The following ANKRD22 variants were observed in gnomAD, a reference collection of about 807,000 sequenced individuals.
ANKRD22 encodes the protein ankyrin repeat domain 22.
A neutral mutation model predicts 25.7 loss-of-function variants in ANKRD22; 24 were observed. That is an observed-to-expected ratio of 0.93 (90% confidence interval 0.68 to 1.31). The LOEUF (loss-of-function observed/expected upper bound fraction) is 1.31. Among genes scored for constraint, ANKRD22 ranks in the 50% most tolerant of loss-of-function variants. The pLI, the probability that ANKRD22 is intolerant of heterozygous loss-of-function variation, is 0.00. For missense variants in ANKRD22, 214 were observed against 227.1 expected (o/e 0.94, Z 0.37); for synonymous variants, 84 against 84.3 (o/e 1.00, Z 0.02).
In ANKRD22 at chr10:88,820,432, T is replaced by A. The variant is rs1423649267; in HGVS notation, c.*2509A>T. On this transcript the variant is annotated 3_prime_UTR_variant, in exon 6 of 6. Transcript: ENST00000371930. ...TGGATGCTCCTCACCGTATGTACAA[T>A]GAAATCATCCATCTGATGCAGCAGG... 1.4e-5 allele frequency: 21 copies of A among 1,552,084 alleles called. No individual in the cohort carries two copies. The highest frequency in any genetic ancestry group is 1.8e-5 in the Non-Finnish European group (21 of 1,147,064).
intron 4 of ANKRD22, among the ~76,000 whole-genome samples, chr10:88,823,827 C>CAA (rs56194758): frequency 0.037 from 3,873 of 103,676 alleles, 399 homozygotes; most frequent in African/African-American, 0.15. Context: ...GACTCCGTCT[C>CAA]AAAAAAAAAA....
chr10:88,835,965 T>C (rs17113498), intron 1 of ANKRD22, among the ~76,000 whole-genome samples: 2,222 of 152,264 alleles, frequency 0.015, 64 homozygotes, highest in African/African-American at 0.05. Flanking sequence ...GCTCTGTAAT[T>C]TGGGGGCACC....
intron 3 of ANKRD22, 90 bp downstream of exon 3, chr10:88,828,469 C>A (rs1409072686): frequency 5.0e-6 from 5 of 1,006,164 alleles, no homozygotes; most frequent in African/African-American, 5.0e-5. Context: ...GTTTTTATTT[C>A]TTTTCAACAT....
In ANKRD22 at chr10:88,824,189, T is replaced by C. The variant is rs550579264; in HGVS notation, c.400-811A>G. 1.7e-4 allele frequency among the ~76,000 whole-genome samples: 26 copies of C among 152,284 alleles called. No homozygotes were observed. The South Asian group carries it at 5.0e-3, about 29-fold the overall frequency. On this transcript the variant is annotated intron_variant, in intron 4 of 5. Transcript: ENST00000371930. Reference sequence around the variant, plus strand: ...TTCCCAAACGTGATTTGTTATAGCTTATATTATGTGTTATAAGCTAGTGCA... The same window carrying C: ...TTCCCAAACGTGATTTGTTATAGCTCATATTATGTGTTATAAGCTAGTGCA...
intron 1 of ANKRD22, among the ~76,000 whole-genome samples, chr10:88,850,534 C>A (rs1452994637): frequency 6.6e-6 from 1 of 152,106 alleles, no homozygotes; most frequent in Admixed American, 6.6e-5. Flanking sequence ...TTGTATCCTA[C>A]CATAGACTGA....
At position 88,851,722 on chromosome 10, in the gene ANKRD22, T is replaced by C; in HGVS notation, c.-115A>G. 7.9e-7 allele frequency: 1 copy of C among 1,265,706 alleles called. No individual in the cohort carries two copies. Among genetic ancestry groups the C allele is most frequent in the Non-Finnish European group, 1.1e-6 (1 of 871,770 alleles). 78.4% of individuals were successfully genotyped at this position (1,265,706 alleles called of 1,614,324 possible). On this transcript the variant is annotated 5_prime_UTR_variant, in exon 1 of 6. Coordinates refer to ENST00000371930, the MANE Select transcript of ANKRD22 (RefSeq NM_144590.3). ...GAGGAAAGTCCCTAGAAGTCCAAGC[T>C]GGTGGCAAGCTCCAGGAGTGCTTTT... is the stretch of plus-strand genomic sequence containing the variant.
At position 88,826,110 on chromosome 10, in the gene ANKRD22, T is replaced by C. The variant is rs777344989; in HGVS notation, c.327A>G (p.Ser109=). 6.2e-7 allele frequency: 1 copy of C among 1,607,966 alleles called. No individual in the cohort carries two copies. The highest frequency in any genetic ancestry group is 1.1e-5 in the South Asian group (1 of 90,034). Residue 109 remains serine, a synonymous_variant, in exon 4 of 6, where the codon TCA becomes TCG. Coordinates refer to ENST00000371930, the MANE Select transcript of ANKRD22 (RefSeq NM_144590.3). ...CAAGAGCCTCATTCTGCTTTGTCTTTGATACCTATTACAAATGGTAATTAT... is the reference window on the plus strand; with the variant it reads ...CAAGAGCCTCATTCTGCTTTGTCTTCGATACCTATTACAAATGGTAATTAT... ...VLLIGYFLMV[S]KTKQNEALVR...
chr10:88,850,256 G>A (rs1844091875), intron 1 of ANKRD22, among the ~76,000 whole-genome samples: 1 of 151,782 alleles, frequency 6.6e-6, no homozygotes, highest in Admixed American at 6.6e-5. Context: ...AATACCTGAG[G>A]ATGAGACTAG....
chr10:88,823,195 G>A, intron 5 of ANKRD22, 85 bp downstream of exon 5: 2 of 1,343,396 alleles, frequency 1.5e-6, no homozygotes, highest in Non-Finnish European at 2.1e-6. Flanking sequence ...TTACGTCAGA[G>A]GCAAATAATT....
At position 88,841,425 on chromosome 10, in the gene ANKRD22, A is replaced by G. The variant is rs569054146; in HGVS notation, c.22-9399T>C. ...AACCTTTGTGGTCTTCTTCCATTTC[A>G]TTGGTGTAACCACTCCCACCTGGCT... On this transcript the variant is annotated intron_variant, in intron 1 of 5. Transcript: ENST00000371930. Among the ~76,000 whole-genome samples, 5 of 152,290 alleles carry G rather than the reference A, an allele frequency of 3.3e-5. No homozygotes were observed. In the East Asian group the frequency reaches 9.7e-4, roughly 29 times the overall value.
chr10:88,827,805 A>T (rs1843868903), intron 3 of ANKRD22, among the ~76,000 whole-genome samples: 1 of 152,366 alleles, frequency 6.6e-6, no homozygotes, highest in East Asian at 1.9e-4. Context: ...AGCTACAACA[A>T]GGAGGGAGCT....
intron 1 of ANKRD22, among the ~76,000 whole-genome samples, chr10:88,841,726 A>G (rs887283072): frequency 1.3e-5 from 2 of 152,184 alleles, no homozygotes; most frequent in Non-Finnish European, 2.9e-5. Context: ...ATAAATCCCT[A>G]TATTAAAGAA....
At position 88,831,778 on chromosome 10, in the gene ANKRD22, C is replaced by G. The variant is rs144515125; in HGVS notation, c.213+57G>C. On this transcript the variant is annotated intron_variant, in intron 2 of 5. Transcript: ENST00000371930. ...ATGACATGCACCACTTCTAGTGATT[C>G]AAAGAGAAAAGAATTATCATGAACA... The G allele has an allele frequency of 1.5e-4, 223 of 1,479,542 alleles. No homozygotes were observed. In the African/African-American group the frequency reaches 2.5e-3, roughly 17 times the overall value. 91.7% of individuals were successfully genotyped at this position (1,479,542 alleles called of 1,614,324 possible).
intron 1 of ANKRD22, among the ~76,000 whole-genome samples, chr10:88,847,195 T>TA (rs1291993039): frequency 6.6e-6 from 1 of 152,164 alleles, no homozygotes; most frequent in Non-Finnish European, 1.5e-5. Context: ...GCATAGGACT[T>TA]AAACAGTTTA....
chr10:88,828,781 T>C, intron 2 of ANKRD22, 115 bp from the exon 3 acceptor site: 1 of 674,112 alleles, frequency 1.5e-6, no homozygotes, highest in Non-Finnish European at 2.5e-6. Flanking sequence ...ACCCATGGCA[T>C]CTTTTCCTGT....
Position 88,820,559 on chromosome 10 carries a change from G to T in ANKRD22, c.*2382C>A. The T allele has an allele frequency of 6.8e-7, 1 of 1,480,936 alleles. No individual in the cohort carries two copies. Among genetic ancestry groups the T allele is most frequent in the South Asian group, 1.3e-5 (1 of 76,946 alleles). 91.7% of individuals were successfully genotyped at this position (1,480,936 alleles called of 1,614,324 possible). ...CCTGAGGGATGGGGCTAGGACCCAT[G>T]AAGGCAGAATTACGGAGAGCAGAGA... On this transcript the variant is annotated 3_prime_UTR_variant, in exon 6 of 6. Transcript: ENST00000371930.
At chr10:88,841,105 G>T (rs1844000032) in intron 1 of ANKRD22, among the ~76,000 whole-genome samples, 1 of 151,958 alleles carries the variant, frequency 6.6e-6, no homozygotes, top group Admixed American at 6.6e-5. Context: ...TTCCTTGCCA[G>T]GAAGCTAAAA....
chr10:88,827,094 G>A (rs943874850), intron 3 of ANKRD22, among the ~76,000 whole-genome samples: 5 of 152,116 alleles, frequency 3.3e-5, no homozygotes, highest in African/African-American at 1.2e-4. Flanking sequence ...AGCTCTCCCT[G>A]CTCAGCTGGG....
intron 1 of ANKRD22, among the ~76,000 whole-genome samples, chr10:88,834,401 T>A (rs1843933464): frequency 1.3e-5 from 2 of 152,062 alleles, no homozygotes; most frequent in African/African-American, 2.4e-5. Context: ...TATAGAAAAA[T>A]TCATTTTATT....
Sources: allele counts gnomAD v4.1 joint callset (sites outside exome capture counted in the v4.1 genomes callset), GRCh38; gene constraint gnomAD v4.1.1; transcripts MANE v1.5; gene names NCBI Gene and HGNC (gene_info 2026-07-23, HGNC 2026-07-21).